Variants in MAK observed in about 807,000 individuals in gnomAD.
MAK encodes the protein male germ cell associated kinase.
Under a neutral mutation model 82.6 loss-of-function variants are expected in MAK, and 65 were observed. The ratio of observed to expected loss-of-function variants is 0.79; its 90% confidence interval spans 0.64 to 0.97. The LOEUF is 0.97. MAK is among the 50% of genes least tolerant of loss of function. The pLI is 0.00. For missense variants in MAK, 703 were observed against 780.2 expected, an observed-to-expected ratio of 0.90 and a Z score of 1.18; for synonymous variants, 250 against 274.2, an observed-to-expected ratio of 0.91 and a Z score of 0.87.
rs1357429117 is a variant in MAK, at chr6:10,776,312, AAC to A, written c.1466-855_1466-854del. On this transcript the variant is annotated intron_variant, in intron 11 of 14. Coordinates refer to ENST00000354489, the MANE Select transcript of MAK (RefSeq NM_001242957.3). The surrounding 1 kb of genome is among the most constrained non-coding windows in gnomAD (Gnocchi z 4.3). ...TCATTGCAAATGTACTTGGAAAAAG[AAC>A]AGTTTAAATTACTTATGATTTTCTG... 3.9e-5 allele frequency among the ~76,000 whole-genome samples: 6 copies of A among 152,248 alleles called. No individual in the cohort carries two copies. The highest frequency in any genetic ancestry group is 5.9e-5 in the Non-Finnish European group (4 of 68,042).
At chr6:10,809,365 T>C (rs1268592296) in intron 5 of MAK, among the ~76,000 whole-genome samples, 1 of 152,132 alleles carries the variant, frequency 6.6e-6, no homozygotes, top group Non-Finnish European at 1.5e-5. Flanking sequence ...TGAGAAGTGT[T>C]TTTGTTTTTA....
At chr6:10,784,294 T>A in intron 11 of MAK, 130 bp downstream of exon 11, 2 of 881,978 alleles carry the variant, frequency 2.3e-6, no homozygotes, top group South Asian at 1.4e-5. Context: ...GGCGACAGAC[T>A]GAGCTACCAA....
In MAK at chr6:10,784,589, A is replaced by G. The variant is rs1431519904; in HGVS notation, c.1317-17T>C. Reference sequence around the variant, plus strand: ...TCTGGAAGCCTTGAAAGCCAATGAAAGGTAGCATTACAGCACGAACAACGA... The same window carrying G: ...TCTGGAAGCCTTGAAAGCCAATGAAGGGTAGCATTACAGCACGAACAACGA... On this transcript the variant is annotated splice_polypyrimidine_tract_variant and intron_variant, in intron 10 of 14. Transcript: ENST00000354489. 1.3e-6 allele frequency: 2 copies of G among 1,592,730 alleles called. No homozygotes were observed. The highest frequency in any genetic ancestry group is 2.3e-5 in the East Asian group (1 of 43,338).
At chr6:10,779,467 G>A (rs886810644) in intron 11 of MAK, 46 of 985,110 alleles carry the variant, frequency 4.7e-5, no homozygotes, top group Non-Finnish European at 4.9e-5. Context: ...TCACAGATCC[G>A]CCAGTCCTTG....
At chr6:10,818,013 C>A (rs749356367) in intron 3 of MAK, 42 bp from the exon 4 acceptor site, 13 of 1,327,850 alleles carry the variant, frequency 9.8e-6, no homozygotes, top group Non-Finnish European at 1.3e-5. Context: ...TTAAAAAAAA[C>A]TTACAGAATT....
At position 10,764,675 on chromosome 6, in the gene MAK, C is replaced by A. The variant is rs376029934; in HGVS notation, c.1793-69G>T. Reference sequence around the variant, plus strand: ...TTATCAAACTCAAAATAAAGAAATTCATCCTCTCATTTGATGGGGAAAATC... The same window carrying A: ...TTATCAAACTCAAAATAAAGAAATTAATCCTCTCATTTGATGGGGAAAATC... On this transcript the variant is annotated intron_variant, in intron 14 of 14. Coordinates refer to ENST00000354489, the MANE Select transcript of MAK (RefSeq NM_001242957.3). 181 of 1,349,544 alleles carry A rather than the reference C, an allele frequency of 1.3e-4. 2 individuals carry two copies. Among genetic ancestry groups the A allele is most frequent in the African/African-American group, 1.0e-3 (72 of 69,772 alleles). The allele number at this position is 1,349,544 out of a possible 1,614,324, so 83.6% of individuals were successfully genotyped here.
chr6:10,767,980 TA>T (rs2127507259), intron 14 of MAK, among the ~76,000 whole-genome samples: 1 of 152,240 alleles, frequency 6.6e-6, no homozygotes, highest in East Asian at 1.9e-4. Flanking sequence ...GTGTTTTTTC[TA>T]AGGATTTGCA....
In MAK at chr6:10,776,746, T is replaced by A. The variant is rs143860099; in HGVS notation, c.1466-1287A>T. 1.3e-5 allele frequency among the ~76,000 whole-genome samples: 2 copies of A among 152,356 alleles called. No homozygotes were observed. Among genetic ancestry groups the A allele is most frequent in the East Asian group, 3.9e-4 (2 of 5,194 alleles). On this transcript the variant is annotated intron_variant, in intron 11 of 14. Coordinates refer to ENST00000354489, the MANE Select transcript of MAK (RefSeq NM_001242957.3). The surrounding 1 kb of genome is among the most constrained non-coding windows in gnomAD (Gnocchi z 4.3). Reference sequence around the variant, plus strand: ...ATCAGGCAAGTAATTTCCCTTTCTTTATAGGATATAACTTCCCTAATAAAA... The same window carrying A: ...ATCAGGCAAGTAATTTCCCTTTCTTAATAGGATATAACTTCCCTAATAAAA...
chr6:10,795,019 TAAA>T (rs1398053778), intron 9 of MAK, among the ~76,000 whole-genome samples: 1 of 146,166 alleles, frequency 6.8e-6, no homozygotes, highest in Non-Finnish European at 1.5e-5. Context: ...TAATAATAAA[TAAA>T]AACCCATTCT....
intron 5 of MAK, among the ~76,000 whole-genome samples, chr6:10,810,945 A>AT (rs1220271514): frequency 6.6e-6 from 1 of 152,238 alleles, no homozygotes; most frequent in Admixed American, 6.5e-5. Flanking sequence ...TATATTAATA[A>AT]TTCAGTCCTA....
chr6:10,827,195 T>G (rs556453627), intron 2 of MAK, among the ~76,000 whole-genome samples: 1 of 152,302 alleles, frequency 6.6e-6, no homozygotes, highest in Non-Finnish European at 1.5e-5. Context: ...ATGGACATTT[T>G]GTCATATAAA....
intron 2 of MAK, among the ~76,000 whole-genome samples, chr6:10,823,273 C>G (rs899194163): frequency 6.6e-6 from 1 of 152,154 alleles, no homozygotes; most frequent in Non-Finnish European, 1.5e-5. Flanking sequence ...TGTTAAATTC[C>G]ATATGGAACT....
chr6:10,767,124 A>G (rs543270608), intron 14 of MAK, among the ~76,000 whole-genome samples: 1 of 151,996 alleles, frequency 6.6e-6, no homozygotes, highest in Admixed American at 6.5e-5. Context: ...TGAGCCTTGC[A>G]ATGCTTGCTC....
In MAK at chr6:10,830,568, C is replaced by G. The variant is rs1778741480; in HGVS notation, c.81G>C (p.Gly27=). Residue 27 remains glycine, a synonymous_variant, in exon 2 of 15, where the codon GGG becomes GGC. Coordinates refer to ENST00000354489, the MANE Select transcript of MAK (RefSeq NM_001242957.3). ...SVLMGKSNES[G]ELVAIKRMKR... ...AGTACCTTTTGATGGCCACCAGCTC[C>G]CCGGATTCATTACTCTTGCCCATAA... 6.2e-7 allele frequency: 1 copy of G among 1,614,042 alleles called. No homozygotes were observed. The highest frequency in any genetic ancestry group is 1.7e-5 in the Admixed American group (1 of 60,008).
intron 2 of MAK, chr6:10,827,781 A>C (rs1479230749): frequency 6.6e-6 from 1 of 152,570 alleles, no homozygotes; most frequent in Non-Finnish European, 1.5e-5. Flanking sequence ...TCCTGGGCTC[A>C]AGCAATCCTC....
At chr6:10,812,583 T>C (rs1448826901) in intron 5 of MAK, among the ~76,000 whole-genome samples, 6 of 152,148 alleles carry the variant, frequency 3.9e-5, no homozygotes, top group Non-Finnish European at 8.8e-5. Flanking sequence ...TAATTGGTCA[T>C]GCTAGATCAA....
intron 12 of MAK, among the ~76,000 whole-genome samples, 170 bp from the exon 13 acceptor site, chr6:10,773,278 C>T (rs1173651237): frequency 6.6e-6 from 1 of 152,122 alleles, no homozygotes; most frequent in Admixed American, 6.6e-5. Context: ...CTGTATATTC[C>T]CTTGAGACTC....
At position 10,808,943 on chromosome 6, in the gene MAK, C is replaced by G. The variant is rs766527083; in HGVS notation, c.359-1G>C. Reference sequence around the variant, plus strand: ...GGTTTCATGTCCCTATGAAAAAAGCCTTGATGATATACGGAGAAAAAAAAA... The same window carrying G: ...GGTTTCATGTCCCTATGAAAAAAGCGTTGATGATATACGGAGAAAAAAAAA... On this transcript the variant is annotated splice_acceptor_variant, in intron 5 of 14. Transcript: ENST00000354489. LOFTEE classifies it high-confidence loss of function. 1.2e-6 allele frequency: 2 copies of G among 1,612,218 alleles called. No individual in the cohort carries two copies. The highest frequency in any genetic ancestry group is 2.2e-5 in the South Asian group (2 of 91,044).
At chr6:10,796,805 C>CAAAAAAAAAA (rs70991046) in intron 8 of MAK, among the ~76,000 whole-genome samples, 1 of 122,524 alleles carries the variant, frequency 8.2e-6, no homozygotes. Flanking sequence ...GACTCCACCT[C>CAAAAAAAAAA]AAAAAAAAAA....
Sources: gnomAD v4.1 joint callset for allele counts (sites outside exome capture counted in the v4.1 genomes callset) on GRCh38, gnomAD v4.1.1 for gene constraint, Gnocchi (gnomAD v3.1) non-coding constraint, MANE v1.5 for transcripts, NCBI Gene and HGNC (gene_info 2026-07-23, HGNC 2026-07-21) for gene names.